The following TPP2 variants were observed in gnomAD, a reference collection of about 807,000 sequenced individuals.
TPP2 encodes tripeptidyl peptidase 2.
In TPP2, 34 loss-of-function variants were observed where a neutral mutation model predicts 155.9. The ratio of observed to expected loss-of-function variants is 0.22; its 90% CI spans 0.17 to 0.29. The LOEUF (loss-of-function observed/expected upper bound fraction) is 0.29. Ranked by LOEUF, TPP2 falls within the 10% of genes least tolerant of loss-of-function variation. The pLI, the probability that TPP2 is intolerant of heterozygous loss-of-function variation, is 1.00. For missense variants in TPP2, 1,028 were observed against 1,522.3 expected, an observed-to-expected ratio of 0.68 and a Z score of 5.40; for synonymous variants, 510 against 529.4, an observed-to-expected ratio of 0.96 and a Z score of 0.50.
At chr13:102,602,462 A>T (rs147726271) in intron 1 of TPP2, among the ~76,000 whole-genome samples, 172 of 152,214 alleles carry the variant, frequency 1.1e-3, no homozygotes, top group African/African-American at 3.4e-3. Flanking sequence ...AGAAGTAAAC[A>T]TCCAACTTGA....
intron 19 of TPP2, among the ~76,000 whole-genome samples, chr13:102,645,388 A>C (rs1157003038): frequency 6.6e-6 from 1 of 152,232 alleles, no homozygotes; most frequent in African/African-American, 2.4e-5. Context: ...TAGAAACTTA[A>C]GTACTGTAGC....
intron 2 of TPP2, among the ~76,000 whole-genome samples, chr13:102,611,054 A>G (rs1595138090): frequency 1.3e-5 from 2 of 152,318 alleles, no homozygotes; most frequent in South Asian, 4.1e-4. Flanking sequence ...TTCATTCATA[A>G]AATTTCATCA....
At position 102,645,015 on chromosome 13, in the gene TPP2, A is replaced by T; in HGVS notation, c.2393+6A>T. ...AACTGGGTCCAAACACTGCGGTATCATTCAATGTTTTAGGAACTACAGATA... is the reference window on the plus strand; with the variant it reads ...AACTGGGTCCAAACACTGCGGTATCTTTCAATGTTTTAGGAACTACAGATA... On this transcript the variant is annotated splice_donor_region_variant and intron_variant, in intron 19 of 29. Transcript: ENST00000376052. The T allele has an allele frequency of 6.2e-7, 1 of 1,612,420 alleles. No homozygotes were observed. The highest frequency in any genetic ancestry group is 8.5e-7 in the Non-Finnish European group (1 of 1,178,898).
intron 15 of TPP2, among the ~76,000 whole-genome samples, chr13:102,639,187 G>A (rs1225731505): frequency 6.6e-6 from 1 of 152,120 alleles, no homozygotes; most frequent in Non-Finnish European, 1.5e-5. Context: ...TGAGCCCACC[G>A]AAGGCACAGA....
At chr13:102,630,058 T>G (rs779413457) in intron 9 of TPP2, 38 bp from the exon 10 acceptor site, 1 of 1,562,840 alleles carries the variant, frequency 6.4e-7, no homozygotes. Flanking sequence ...AGGATCCCCG[T>G]TTGTTTTCTT....
chr13:102,673,908 CAT>C (rs1279416464), intron 27 of TPP2, among the ~76,000 whole-genome samples: 2 of 152,166 alleles, frequency 1.3e-5, no homozygotes, highest in Non-Finnish European at 1.5e-5. Context: ...TGGGTATACA[CAT>C]AGACAAATGT....
At chr13:102,610,031 A>G (rs1391003556) in intron 2 of TPP2, among the ~76,000 whole-genome samples, 1 of 152,060 alleles carries the variant, frequency 6.6e-6, no homozygotes, top group East Asian at 1.9e-4. Context: ...GTACTCACAC[A>G]CATGTTCAGT....
intron 19 of TPP2, among the ~76,000 whole-genome samples, chr13:102,645,672 G>A (rs1437145843): frequency 6.6e-6 from 1 of 152,152 alleles, no homozygotes; most frequent in Non-Finnish European, 1.5e-5. Context: ...TCATCCTGAT[G>A]TTTTCTTCCT....
intron 29 of TPP2, among the ~76,000 whole-genome samples, chr13:102,677,236 A>G (rs1048236447): frequency 1.3e-5 from 2 of 152,178 alleles, no homozygotes; most frequent in Non-Finnish European, 2.9e-5. Flanking sequence ...CTCTTTCTGG[A>G]GCCAGGTGTT....
chr13:102,672,531 C>G (rs1361374409), intron 27 of TPP2, among the ~76,000 whole-genome samples: 1 of 152,156 alleles, frequency 6.6e-6, no homozygotes, highest in African/African-American at 2.4e-5. Flanking sequence ...TGCATCTTTC[C>G]CTCTAACTTT....
chr13:102,628,521 C>G (rs1288768023), intron 8 of TPP2, among the ~76,000 whole-genome samples: 1 of 152,188 alleles, frequency 6.6e-6, no homozygotes, highest in Non-Finnish European at 1.5e-5. Flanking sequence ...TCAATCCATT[C>G]TAGTGTGTCT....
At chr13:102,659,220 A>G (rs1351006178) in intron 25 of TPP2, among the ~76,000 whole-genome samples, 2 of 152,244 alleles carry the variant, frequency 1.3e-5, no homozygotes, top group African/African-American at 4.8e-5. Flanking sequence ...GCAGAGCCTC[A>G]GAGAAATGTG....
At position 102,663,664 on chromosome 13, in the gene TPP2, A is replaced by T. The variant is rs370265663; in HGVS notation, c.3160A>T (p.Ile1054Phe). 6.2e-7 allele frequency: 1 copy of T among 1,603,852 alleles called. No individual in the cohort carries two copies. The highest frequency in any genetic ancestry group is 8.5e-7 in the Non-Finnish European group (1 of 1,176,760). The part of the protein sequence containing the change: ...QWMTKLDSSD[I>F]YNELKETYPN... ...CATACATAGGCTGGATTCTAGTGAC[A>T]TTTATAACGAATTGAAAGAAACATA... Residue 1054 changes from isoleucine (I) to phenylalanine (F), a missense_variant, in exon 26 of 30, where the codon ATT becomes TTT. Physicochemically the swap from Ile to Phe is conservative, Grantham distance 21. Around this residue, in one of 7 missense-constraint regions of TPP2, gnomAD observed 179 missense variants for 274.7 expected, o/e 0.65. Transcript: ENST00000376052.
chr13:102,635,506 C>T, intron 11 of TPP2, 81 bp from the exon 12 acceptor site: 2 of 945,442 alleles, frequency 2.1e-6, no homozygotes, highest in South Asian at 2.8e-5. Flanking sequence ...AGAGGGTCTA[C>T]AGGTGATCGA....
intron 5 of TPP2, among the ~76,000 whole-genome samples, chr13:102,620,587 A>G (rs968971354): frequency 4.6e-5 from 7 of 152,162 alleles, no homozygotes; most frequent in African/African-American, 1.7e-4. Flanking sequence ...AAAGTGACCT[A>G]TTCTTTAAGT....
intron 1 of TPP2, among the ~76,000 whole-genome samples, chr13:102,600,015 C>T (rs988499729): frequency 2.4e-4 from 37 of 151,784 alleles, no homozygotes; most frequent in African/African-American, 8.7e-4. Context: ...TGTATTATAC[C>T]CTCATTTAAA....
intron 27 of TPP2, among the ~76,000 whole-genome samples, chr13:102,669,231 G>A (rs757538338): frequency 6.6e-5 from 10 of 152,094 alleles, no homozygotes; most frequent in Non-Finnish European, 1.2e-4. Flanking sequence ...GTGTTGCAGG[G>A]TCCTTACTCA....
intron 19 of TPP2, 54 bp from the exon 20 acceptor site, chr13:102,646,240 G>T: frequency 6.9e-7 from 1 of 1,446,380 alleles, no homozygotes; most frequent in Non-Finnish European, 9.5e-7. Flanking sequence ...GGTTTTATTT[G>T]TCTCATTCAA....
chr13:102,612,323 C>T (rs768164338), intron 2 of TPP2, among the ~76,000 whole-genome samples: 2 of 151,980 alleles, frequency 1.3e-5, no homozygotes, highest in Non-Finnish European at 2.9e-5. Flanking sequence ...ACACTTAGCC[C>T]GTTAAGAAAA....
Sources: gnomAD v4.1 joint callset for allele counts (sites outside exome capture counted in the v4.1 genomes callset) on GRCh38, gnomAD v4.1.1 for gene constraint, gnomAD v4.1.1 regional missense constraint, MANE v1.5 for transcripts, NCBI Gene and HGNC (gene_info 2026-07-23, HGNC 2026-07-21) for gene names.